The following PLB1 variants were observed in gnomAD, a reference collection of about 807,000 sequenced individuals.
PLB1 encodes the protein phospholipase B1, membrane-associated.
In PLB1, 242 loss-of-function variants were observed where a neutral mutation model predicts 227.4. The observed-to-expected ratio is 1.06, with a 90% CI of 0.96 to 1.18. The LOEUF (loss-of-function observed/expected upper bound fraction) is 1.18, where lower values mean the gene tolerates loss of function less well. Among genes scored for constraint, PLB1 ranks in the 50% most tolerant of loss-of-function variants. PLB1 has a pLI of 0.00. For synonymous variants in PLB1, 757 were observed against 682.2 expected (o/e 1.11, Z -1.71); for missense variants, 1,858 against 1,816.3 (o/e 1.02, Z -0.42).
intron 33 of PLB1, among the ~76,000 whole-genome samples, chr2:28,596,886 T>C (rs534865344): frequency 6.6e-5 from 10 of 152,350 alleles, no homozygotes; most frequent in African/African-American, 2.4e-4. Context: ...CAAGCATTCC[T>C]TGAATGAAGA....
chr2:28,513,130 T>G (rs1668465705), intron 1 of PLB1, among the ~76,000 whole-genome samples: 1 of 152,218 alleles, frequency 6.6e-6, no homozygotes, highest in South Asian at 2.1e-4. Context: ...AAATTTTCTC[T>G]TGACTATGGT....
At chr2:28,532,061 A>G (rs746902478) in intron 8 of PLB1, 47 bp from the exon 9 acceptor site, 1 of 1,440,740 alleles carries the variant, frequency 6.9e-7, no homozygotes. Flanking sequence ...ATTTTGGTTC[A>G]AGGTCTTAAC....
chr2:28,538,256 G>T (rs756057693), intron 9 of PLB1, 63 bp from the exon 10 acceptor site: 4 of 1,602,262 alleles, frequency 2.5e-6, no homozygotes, highest in African/African-American at 2.7e-5. Flanking sequence ...TTGTGAGTCT[G>T]GGTGGCCTCA....
intron 43 of PLB1, among the ~76,000 whole-genome samples, chr2:28,613,190 G>T (rs773813210): frequency 3.9e-5 from 6 of 152,138 alleles, no homozygotes; most frequent in Non-Finnish European, 8.8e-5. Context: ...CTCCCAAAAC[G>T]CTGGGAATAC....
chr2:28,604,742 C>A lies in PLB1; in HGVS notation c.2944C>A (p.Gln982Lys), dbSNP rs111680624. The A allele has an allele frequency of 1.2e-4, 197 of 1,614,144 alleles. 1 individual carries two copies. The African/African-American group carries it at 1.8e-3, about 15-fold the overall frequency. ...GCTGCAGCCCTTCTTCCAGAACATC[C>A]AGCTCCCTGTCCTGGCGGTATGTCC... ...VVLQPFFQNI[Q>K]LPVLADGLPD... Residue 982 changes from glutamine (Q) to lysine (K), a missense_variant, in exon 41 of 58, where the codon CAG (glutamine) becomes AAG (lysine). Physicochemically the swap from Gln to Lys is moderately conservative, Grantham distance 53 (BLOSUM62 1). Transcript: ENST00000327757.
chr2:28,615,812 C>G (rs548585253), intron 44 of PLB1, among the ~76,000 whole-genome samples: 2 of 152,320 alleles, frequency 1.3e-5, no homozygotes, highest in African/African-American at 4.8e-5. Context: ...TCTCATGCAT[C>G]TTTGCTTTTG....
At chr2:28,629,255 G>A in intron 53 of PLB1, 70 bp downstream of exon 53, 3 of 1,453,748 alleles carry the variant, frequency 2.1e-6, no homozygotes, top group Non-Finnish European at 2.8e-6. Context: ...TGCCAAAGGA[G>A]GAGACCAGTT....
At chr2:28,615,499 A>G (rs1686068539) in intron 44 of PLB1, among the ~76,000 whole-genome samples, 1 of 152,236 alleles carries the variant, frequency 6.6e-6, no homozygotes, top group African/African-American at 2.4e-5. Context: ...ATATGAAATC[A>G]TTAAGAACTA....
chr2:28,573,290 C>G lies in PLB1; in HGVS notation c.1418C>G (p.Ala473Gly), dbSNP rs758586763. ...AATGCCTTCTTAAACCAGGCTGTGG[C>G]AGGAGGCCGAGCTGAGTAAGCAGGG... Reference protein sequence around the residue: ...SPNAFLNQAVAGGRAEDLPVQ... With the variant: ...SPNAFLNQAVGGGRAEDLPVQ... Residue 473 changes from alanine (A) to glycine (G), a missense_variant, in exon 21 of 58, where the codon GCA becomes GGA. By Grantham distance (60) the Ala-to-Gly change is moderately conservative. Transcript: ENST00000327757. 1 of 1,613,486 alleles carries G rather than the reference C, an allele frequency of 6.2e-7. No homozygotes were observed. The highest frequency in any genetic ancestry group is 2.2e-5 in the East Asian group (1 of 44,882).
Position 28,532,184 on chromosome 2 carries a change from C to G in PLB1, c.545C>G (p.Ser182Cys), listed in dbSNP as rs1671104207. The change falls in exon 9 of 58, where the codon TCT becomes TGT. Residue 182 changes from serine to cysteine, a missense_variant. Coordinates refer to ENST00000327757, the MANE Select transcript of PLB1 (RefSeq NM_153021.5). ...GCAAGCCAGTGTTACCTGTGCCCCT[C>G]TGCTCAACAGGTAAATGGCAGCCTT... Reference protein sequence around the residue: ...SNASQCYLCPSAQQNGLAAGG... With the variant: ...SNASQCYLCPCAQQNGLAAGG... 1.9e-6 allele frequency: 3 copies of G among 1,611,260 alleles called. No individual in the cohort carries two copies. Among genetic ancestry groups the G allele is most frequent in the South Asian group, 2.2e-5 (2 of 90,646 alleles).
intron 20 of PLB1, among the ~76,000 whole-genome samples, chr2:28,571,848 C>T (rs1678063875): frequency 6.6e-6 from 1 of 151,998 alleles, no homozygotes; most frequent in African/African-American, 2.4e-5. Context: ...GAAGAAAATA[C>T]AGGAGCAAAT....
intron 18 of PLB1, 72 bp from the exon 19 acceptor site, chr2:28,565,208 C>T (rs1367317169): frequency 1.4e-6 from 2 of 1,381,368 alleles, no homozygotes; most frequent in African/African-American, 1.4e-5. Context: ...GAACATAGAC[C>T]TTTTGGCAGG....
chr2:28,632,872 C>T, intron 55 of PLB1, 72 bp from the exon 56 acceptor site: 10 of 1,135,144 alleles, frequency 8.8e-6, no homozygotes, highest in Non-Finnish European at 1.3e-5. Context: ...AGGGCACCTG[C>T]TGGGAGAGTG....
At chr2:28,566,744 G>A in intron 19 of PLB1, 52 bp from the exon 20 acceptor site, 1 of 1,599,990 alleles carries the variant, frequency 6.3e-7, no homozygotes, top group Non-Finnish European at 8.6e-7. Flanking sequence ...GAAGGGTCTC[G>A]GCGTGGCTGG....
chr2:28,609,980 T>G (rs1003894209), intron 43 of PLB1, among the ~76,000 whole-genome samples: 6 of 152,304 alleles, frequency 3.9e-5, no homozygotes, highest in Admixed American at 1.3e-4. Flanking sequence ...AGGTTCTCAG[T>G]GGGGAGGGCC....
intron 26 of PLB1, among the ~76,000 whole-genome samples, chr2:28,588,102 C>T (rs902596129): frequency 1.6e-5 from 2 of 123,616 alleles, no homozygotes; most frequent in African/African-American, 7.3e-5. Flanking sequence ...GAAGCTACGG[C>T]TCTCTCACTC....
chr2:28,566,891 C>A, intron 20 of PLB1, 52 bp downstream of exon 20: 1 of 1,602,078 alleles, frequency 6.2e-7, no homozygotes, highest in Non-Finnish European at 8.5e-7. Flanking sequence ...CCCCTGCACG[C>A]TTCCCGCTCC....
chr2:28,523,232 CACAT>C (rs770637322), intron 4 of PLB1, among the ~76,000 whole-genome samples: 1 of 151,658 alleles, frequency 6.6e-6, no homozygotes, highest in Non-Finnish European at 1.5e-5. Context: ...CACGTGCACA[CACAT>C]ATATACATTC....
At chr2:28,569,506 A>C (rs1409885515) in intron 20 of PLB1, among the ~76,000 whole-genome samples, 1 of 152,190 alleles carries the variant, frequency 6.6e-6, no homozygotes, top group African/African-American at 2.4e-5. Flanking sequence ...AAGGGAGGGG[A>C]AATGAAAATC....
Sources: gnomAD v4.1 joint callset for allele counts (sites outside exome capture counted in the v4.1 genomes callset) on GRCh38, gnomAD v4.1.1 for gene constraint, MANE v1.5 for transcripts, NCBI Gene and HGNC (gene_info 2026-07-23, HGNC 2026-07-21) for gene names.